Variants in CNTN5 observed in about 807,000 individuals in gnomAD.
CNTN5 encodes contactin 5, also known as contactin-5.
In CNTN5, 77 loss-of-function variants were observed where a neutral mutation model predicts 129.1. The ratio of observed to expected loss-of-function variants is 0.60; its 90% CI spans 0.50 to 0.72. The LOEUF is 0.72. Ranked by LOEUF, CNTN5 falls within the 30% of genes least tolerant of loss-of-function variation. CNTN5 has a pLI of 0.00. For synonymous variants in CNTN5, 509 were observed against 465.6 expected, an observed-to-expected ratio of 1.09 and a Z score of -1.20; for missense variants, 1,478 against 1,328.8, an observed-to-expected ratio of 1.11 and a Z score of -1.75.
At chr11:99,631,362 G>A (rs1453480900) in intron 3 of CNTN5, among the ~76,000 whole-genome samples, 2 of 151,984 alleles carry the variant, frequency 1.3e-5, no homozygotes, top group East Asian at 1.9e-4. Context: ...TATAGTAATA[G>A]CATTAGTAAA....
chr11:99,675,464 C>T (rs140955105), intron 3 of CNTN5, among the ~76,000 whole-genome samples: 2,078 of 152,192 alleles, frequency 0.014, 47 homozygotes, highest in African/African-American at 0.047. Flanking sequence ...GGGCAGATTG[C>T]CTGAGCTCGG....
At chr11:99,463,517 TA>T (rs1002905479) in intron 2 of CNTN5, among the ~76,000 whole-genome samples, 6 of 151,746 alleles carry the variant, frequency 4.0e-5, no homozygotes, top group African/African-American at 9.7e-5. Flanking sequence ...TCATTATACT[TA>T]AAAAATGTCT....
At chr11:99,386,598 G>T in intron 2 of CNTN5, among the ~76,000 whole-genome samples, 1 of 152,076 alleles carries the variant, frequency 6.6e-6, no homozygotes, top group East Asian at 1.9e-4. Context: ...TATCAACAAG[G>T]TCTTTATGAC....
At chr11:100,053,403 G>GA (rs1035869920) in intron 9 of CNTN5, among the ~76,000 whole-genome samples, 87 of 151,516 alleles carry the variant, frequency 5.7e-4, no homozygotes, top group African/African-American at 2.1e-3. Flanking sequence ...TGCTGGGAAG[G>GA]AAAAAATGCA....
intron 6 of CNTN5, among the ~76,000 whole-genome samples, chr11:99,907,365 A>T (rs1949536634): frequency 1.3e-5 from 2 of 152,084 alleles, no homozygotes; most frequent in Non-Finnish European, 2.9e-5. Context: ...CTTATGCTAC[A>T]GCTCTTCAAA....
intron 1 of CNTN5, among the ~76,000 whole-genome samples, chr11:99,186,998 A>G (rs1199478405): frequency 6.6e-6 from 1 of 151,918 alleles, no homozygotes; most frequent in African/African-American, 2.4e-5. Flanking sequence ...AATGAGAGCT[A>G]TCTTGCCTGA....
At chr11:100,321,309 T>C (rs1180853264) in intron 21 of CNTN5, among the ~76,000 whole-genome samples, 1 of 146,188 alleles carries the variant, frequency 6.8e-6, no homozygotes, top group Admixed American at 7.0e-5. Context: ...TTTTTTTTGG[T>C]AGCTATTTTA....
intron 1 of CNTN5, among the ~76,000 whole-genome samples, chr11:99,036,699 G>A (rs572025290): frequency 1.2e-4 from 18 of 152,206 alleles, no homozygotes; most frequent in South Asian, 4.2e-4. Context: ...GTGTATTACA[G>A]TGTCTGTCTC....
intron 1 of CNTN5, among the ~76,000 whole-genome samples, chr11:99,115,772 C>T (rs907179862): frequency 1.3e-5 from 2 of 151,674 alleles, no homozygotes; most frequent in African/African-American, 4.8e-5. Context: ...AAGGGAACAA[C>T]AACAACAAAA....
chr11:99,971,833 A>G (rs538554234), intron 8 of CNTN5, among the ~76,000 whole-genome samples: 5 of 151,668 alleles, frequency 3.3e-5, no homozygotes, highest in Non-Finnish European at 7.4e-5. Context: ...ATAATATTTA[A>G]TTTTAAAAAA....
At chr11:99,134,019 T>C (rs1859091803) in intron 1 of CNTN5, among the ~76,000 whole-genome samples, 2 of 152,182 alleles carry the variant, frequency 1.3e-5, no homozygotes, top group Non-Finnish European at 2.9e-5. Flanking sequence ...CTATCAATGA[T>C]AGACTGGATA....
At chr11:99,741,023 C>G (rs1943872566) in intron 3 of CNTN5, among the ~76,000 whole-genome samples, 1 of 152,100 alleles carries the variant, frequency 6.6e-6, no homozygotes, top group African/African-American at 2.4e-5. Context: ...CCCACATTTT[C>G]TAGAAACACT....
At chr11:99,244,799 C>A (rs150609039) in intron 1 of CNTN5, among the ~76,000 whole-genome samples, 3 of 152,324 alleles carry the variant, frequency 2.0e-5, no homozygotes, top group Non-Finnish European at 4.4e-5. Flanking sequence ...ATTTTCACCA[C>A]ATGGTGACTC....
chr11:100,261,962 C>T (rs1373021018), intron 17 of CNTN5, among the ~76,000 whole-genome samples: 1 of 152,152 alleles, frequency 6.6e-6, no homozygotes, highest in Non-Finnish European at 1.5e-5. Context: ...TCTAATTAAA[C>T]TAAAGATCTT....
chr11:99,023,632 A>G (rs1404256400), intron 1 of CNTN5, among the ~76,000 whole-genome samples: 1 of 152,222 alleles, frequency 6.6e-6, no homozygotes, highest in Admixed American at 6.5e-5. Flanking sequence ...AAGTTGTAGC[A>G]GAGTTTAGTG....
At chr11:100,097,842 G>T (rs549084514) in intron 13 of CNTN5, among the ~76,000 whole-genome samples, 2 of 152,184 alleles carry the variant, frequency 1.3e-5, no homozygotes, top group East Asian at 3.9e-4. Flanking sequence ...AATGCATATT[G>T]TATATTGGAG....
At chr11:99,670,191 G>A (rs1952976043) in intron 3 of CNTN5, among the ~76,000 whole-genome samples, 1 of 152,046 alleles carries the variant, frequency 6.6e-6, no homozygotes, top group Non-Finnish European at 1.5e-5. Flanking sequence ...AGTATTCTTA[G>A]GTTATGAAGT....
chr11:99,698,597 A>G (rs12800908), intron 3 of CNTN5, among the ~76,000 whole-genome samples: 11,532 of 151,440 alleles, frequency 0.076, 526 homozygotes, highest in African/African-American at 0.14. Flanking sequence ...CTTCTAAAAT[A>G]TATTTCCTAT....
chr11:100,270,969 C>A, intron 17 of CNTN5, 123 bp from the exon 18 acceptor site: 2 of 731,408 alleles, frequency 2.7e-6, no homozygotes, highest in Non-Finnish European at 4.4e-6. Flanking sequence ...ACACCATGAC[C>A]ACGTGTCGTG....
Sources: gnomAD v4.1 joint callset for allele counts (sites outside exome capture counted in the v4.1 genomes callset) on GRCh38, gnomAD v4.1.1 for gene constraint, MANE v1.5 for transcripts, NCBI Gene and HGNC (gene_info 2026-07-23, HGNC 2026-07-21) for gene names.